Variants in ADGRL3 observed in about 807,000 individuals in gnomAD.
ADGRL3 encodes calcium-independent alpha-latrotoxin receptor 3.
In ADGRL3, 62 loss-of-function variants were observed where a neutral mutation model predicts 153.5. The ratio of observed to expected loss-of-function variants is 0.40; its 90% CI spans 0.33 to 0.50. The LOEUF is 0.50. Among genes scored for constraint, ADGRL3 ranks in the 20% least tolerant of loss-of-function variants. ADGRL3 has a pLI of 0.47. For synonymous variants in ADGRL3, 710 were observed against 672.5 expected (o/e 1.06, Z -0.86); for missense variants, 1,641 against 1,859.4 (o/e 0.88, Z 2.16).
chr4:61,961,122 A>G (rs2098986239), intron 17 of ADGRL3, among the ~76,000 whole-genome samples: 2 of 152,150 alleles, frequency 1.3e-5, no homozygotes, highest in Admixed American at 1.3e-4. Flanking sequence ...ATCTAGAGCT[A>G]GTTCTTAACC....
chr4:61,514,594 T>A (rs1371028806), intron 3 of ADGRL3, among the ~76,000 whole-genome samples: 1 of 152,200 alleles, frequency 6.6e-6, no homozygotes, highest in Non-Finnish European at 1.5e-5. Context: ...CTCTCTAGTT[T>A]TTCTGTCACC....
Position 61,504,493 on chromosome 4 carries a change from A to G in ADGRL3, c.55+7145A>G, listed in dbSNP as rs1386931330. ...TCTGTCATCTCAAATTTTTATTTATATGTGTTAGGAATATTACAATTCTAC... is the reference window on the plus strand; with the variant it reads ...TCTGTCATCTCAAATTTTTATTTATGTGTGTTAGGAATATTACAATTCTAC... On this transcript the variant is annotated intron_variant, in intron 3 of 26. Transcript: ENST00000683033. Among the ~76,000 whole-genome samples, 3 of 152,260 alleles carry G rather than the reference A, an allele frequency of 2.0e-5. No homozygotes were observed. In the South Asian group the frequency reaches 6.2e-4, roughly 32 times the overall value.
At chr4:61,323,830 T>C (rs2095413406) in intron 1 of ADGRL3, among the ~76,000 whole-genome samples, 1 of 152,168 alleles carries the variant, frequency 6.6e-6, no homozygotes, top group South Asian at 2.1e-4. Flanking sequence ...CAAAGTTGCT[T>C]CCATATTTTC....
At chr4:61,972,558 T>C (rs2099032431) in intron 17 of ADGRL3, among the ~76,000 whole-genome samples, 1 of 152,206 alleles carries the variant, frequency 6.6e-6, no homozygotes, top group Non-Finnish European at 1.5e-5. Flanking sequence ...TTGGTTACTG[T>C]AGCCTTGTAG....
In ADGRL3 at chr4:61,566,506, T is replaced by C. The variant is rs545659732; in HGVS notation, c.260-20721T>C. 4.6e-5 allele frequency among the ~76,000 whole-genome samples: 7 copies of C among 152,124 alleles called. No homozygotes were observed. The South Asian group carries it at 1.5e-3, about 32-fold the overall frequency. On this transcript the variant is annotated intron_variant, in intron 4 of 26. Coordinates refer to ENST00000683033, the MANE Select transcript of ADGRL3 (RefSeq NM_001387552.1). ...GAATTTAAAAGAATGATCTGGAAAA[T>C]TTTTTTCCTCTGGCAGGTTTGTACT... is the stretch of plus-strand genomic sequence containing the variant.
rs57521570 is a variant in ADGRL3 at position 61,779,313 on chromosome 4, C to G, written c.1400-34496C>G. On this transcript the variant is annotated intron_variant, in intron 8 of 26. Transcript: ENST00000683033. ...ACCTTAGACTGAATCTGAAACTCTG[C>G]GGGGGGGTGGAGCCCAGCAATCTAC... Among the ~76,000 whole-genome samples the G allele has an allele frequency of 1.3e-3, 198 of 151,618 alleles. 1 individual carries two copies. Among genetic ancestry groups the G allele is most frequent in the African/African-American group, 4.6e-3 (191 of 41,286 alleles).
intron 22 of ADGRL3, 80 bp from the exon 23 acceptor site, chr4:62,031,362 G>T: frequency 8.7e-7 from 1 of 1,151,320 alleles, no homozygotes; most frequent in Non-Finnish European, 1.2e-6. Context: ...ATTTTTTTCA[G>T]TGTCGTATTG....
chr4:61,729,379 G>C (rs1439268048), intron 6 of ADGRL3, among the ~76,000 whole-genome samples: 2 of 151,828 alleles, frequency 1.3e-5, no homozygotes, highest in African/African-American at 4.8e-5. Flanking sequence ...TGATATTGAG[G>C]CTTCAAAAAA....
At chr4:62,044,342 A>G in intron 24 of ADGRL3, 111 bp from the exon 25 acceptor site, 1 of 714,818 alleles carries the variant, frequency 1.4e-6, no homozygotes, top group South Asian at 1.8e-5. Flanking sequence ...CTATTTGCCA[A>G]ATGCTAGAAA....
At chr4:61,467,899 A>C (rs986860216) in intron 2 of ADGRL3, among the ~76,000 whole-genome samples, 2 of 152,190 alleles carry the variant, frequency 1.3e-5, no homozygotes, top group Non-Finnish European at 2.9e-5. Context: ...TGTATAACAT[A>C]CAATAATTTG....
rs183211793 is a variant in ADGRL3 at position 61,434,887 on chromosome 4, A to G, written c.-174+51698A>G. The stretch of plus-strand genomic sequence containing the variant: ...TACATCTCATCTCTCTCATTTTGAA[A>G]CAAAATGGCTTTGCAAATGTTTTAA... On this transcript the variant is annotated intron_variant, in intron 2 of 26. Coordinates refer to ENST00000683033, the MANE Select transcript of ADGRL3 (RefSeq NM_001387552.1). Among the ~76,000 whole-genome samples the G allele has an allele frequency of 6.2e-3, 951 of 152,214 alleles. 13 individuals are homozygous for G. Among genetic ancestry groups the G allele is most frequent in the African/African-American group, 0.022 (904 of 41,554 alleles).
chr4:61,484,204 G>A (rs1272383201), intron 2 of ADGRL3, among the ~76,000 whole-genome samples: 2 of 151,990 alleles, frequency 1.3e-5, no homozygotes, highest in East Asian at 1.9e-4. Flanking sequence ...TTTCTACACT[G>A]ATAAGGCTAA....
intron 5 of ADGRL3, among the ~76,000 whole-genome samples, chr4:61,618,901 T>G (rs1023114018): frequency 2.0e-5 from 3 of 152,062 alleles, no homozygotes; most frequent in Non-Finnish European, 2.9e-5. Context: ...GTGTTTTTTG[T>G]GGAGACAGGG....
intron 2 of ADGRL3, among the ~76,000 whole-genome samples, chr4:61,467,616 A>T (rs1012855516): frequency 6.6e-6 from 1 of 151,848 alleles, no homozygotes; most frequent in Admixed American, 6.6e-5. Flanking sequence ...AAGTAGAAAC[A>T]CTCTGAAGTG....
chr4:61,509,628 GTA>G (rs139982097), intron 3 of ADGRL3, among the ~76,000 whole-genome samples: 16 of 149,820 alleles, frequency 1.1e-4, no homozygotes, highest in Admixed American at 3.3e-4. Context: ...GTGTGCGTGT[GTA>G]TATATATATA....
chr4:62,055,048 G>T (rs1736282257), intron 25 of ADGRL3, among the ~76,000 whole-genome samples: 1 of 151,766 alleles, frequency 6.6e-6, no homozygotes, highest in Middle Eastern at 3.4e-3. Context: ...CAGCATTTAG[G>T]CAATATGTTA....
intron 19 of ADGRL3, among the ~76,000 whole-genome samples, chr4:61,991,951 A>G (rs150818163): frequency 2.0e-5 from 3 of 148,710 alleles, no homozygotes; most frequent in Admixed American, 1.3e-4. Flanking sequence ...TATAATATAC[A>G]TATATAATAA....
intron 5 of ADGRL3, among the ~76,000 whole-genome samples, chr4:61,646,198 CA>C: frequency 6.6e-6 from 1 of 152,036 alleles, no homozygotes; most frequent in African/African-American, 2.4e-5. Flanking sequence ...AAATTTTTTT[CA>C]AAGTTTTCAA....
chr4:61,949,387 T>A (rs1026207261), intron 17 of ADGRL3, among the ~76,000 whole-genome samples: 2 of 152,160 alleles, frequency 1.3e-5, no homozygotes, highest in African/African-American at 4.8e-5. Context: ...ATAAACTAAA[T>A]GGATAATTGC....
Sources: gnomAD v4.1 joint callset for allele counts (sites outside exome capture counted in the v4.1 genomes callset) on GRCh38, gnomAD v4.1.1 for gene constraint, MANE v1.5 for transcripts, NCBI Gene and HGNC (gene_info 2026-07-23, HGNC 2026-07-21) for gene names.